Variants in ULK4 observed in about 807,000 individuals in gnomAD.
ULK4 encodes unc-51 like kinase 4, also known as inactive serine/threonine-protein kinase ULK4.
ULK4 carries 133 observed loss-of-function variants against 160.6 expected under a neutral mutation model. The ratio of observed to expected loss-of-function variants is 0.83; its 90% CI spans 0.72 to 0.96. The LOEUF (loss-of-function observed/expected upper bound fraction) is 0.96, where lower values mean the gene tolerates loss of function less well. Among genes scored for constraint, ULK4 ranks in the 40% least tolerant of loss-of-function variants. The pLI, the probability that ULK4 is intolerant of heterozygous loss-of-function variation, is 0.00. For missense variants in ULK4, 1,580 were observed against 1,499.5 expected, an observed-to-expected ratio of 1.05 and a Z score of -0.89; for synonymous variants, 534 against 539.8, an observed-to-expected ratio of 0.99 and a Z score of 0.15.
intron 17 of ULK4, among the ~76,000 whole-genome samples, chr3:41,855,169 A>G (rs2042306273): frequency 6.6e-6 from 1 of 152,120 alleles, no homozygotes; most frequent in Admixed American, 6.5e-5. Flanking sequence ...AACAGTAACA[A>G]TGCTCTGCGT....
At chr3:41,820,765 C>T (rs140061499) in intron 18 of ULK4, among the ~76,000 whole-genome samples, 143 of 152,138 alleles carry the variant, frequency 9.4e-4, no homozygotes, top group African/African-American at 3.1e-3. Context: ...CACATGTACA[C>T]CCTGAATCTA....
intron 17 of ULK4, chr3:41,853,970 T>C (rs1471303889): frequency 1.3e-5 from 2 of 152,214 alleles, no homozygotes; most frequent in African/African-American, 2.4e-5. Flanking sequence ...TAAACATGTA[T>C]ACTTAGCCAA....
At chr3:41,716,284 C>A (rs1444971192) in intron 23 of ULK4, among the ~76,000 whole-genome samples, 2 of 150,336 alleles carry the variant, frequency 1.3e-5, no homozygotes, top group African/African-American at 2.4e-5. Flanking sequence ...ACACGACTTA[C>A]AACTATCAAA....
intron 19 of ULK4, among the ~76,000 whole-genome samples, chr3:41,816,238 T>TCA (rs992740963): frequency 1.8e-4 from 28 of 151,986 alleles, no homozygotes; most frequent in African/African-American, 6.3e-4. Context: ...ACACACATAC[T>TCA]CACACACACA....
At chr3:41,664,101 A>C (rs2035276064) in intron 29 of ULK4, among the ~76,000 whole-genome samples, 2 of 152,204 alleles carry the variant, frequency 1.3e-5, no homozygotes, top group South Asian at 4.1e-4. Flanking sequence ...TTCACTTTCC[A>C]ACGCTGATAA....
rs576733447 is a variant in ULK4, at chr3:41,776,686, G to C, written c.2193+12975C>G. ...CTGCATCTATTGAGATAATCATGTGGTTTTTGTCTTTGGCTCTGTTTATAT... is the reference window on the plus strand; with the variant it reads ...CTGCATCTATTGAGATAATCATGTGCTTTTTGTCTTTGGCTCTGTTTATAT... On this transcript the variant is annotated intron_variant, in intron 21 of 36. Coordinates refer to ENST00000301831, the MANE Select transcript of ULK4 (RefSeq NM_017886.4). 4.5e-5 allele frequency among the ~76,000 whole-genome samples: 5 copies of C among 111,348 alleles called. 1 individual carries two copies. Among genetic ancestry groups the C allele is most frequent in the Non-Finnish European group, 9.9e-5 (5 of 50,446 alleles). The allele number at this position is 111,348 out of a possible 152,430, so 73.0% of individuals were successfully genotyped here.
chr3:41,620,211 T>C (rs945439746), intron 30 of ULK4, among the ~76,000 whole-genome samples: 5 of 152,312 alleles, frequency 3.3e-5, no homozygotes, highest in Admixed American at 3.3e-4. Context: ...CCATTCCTTC[T>C]GGAACCATTT....
At chr3:41,664,394 A>G (rs148273887) in intron 29 of ULK4, among the ~76,000 whole-genome samples, 3 of 152,080 alleles carry the variant, frequency 2.0e-5, no homozygotes, top group Non-Finnish European at 2.9e-5. Flanking sequence ...CGGTTTCCTT[A>G]TGTCCTCTGT....
chr3:41,475,833 A>G (rs1242583858), intron 32 of ULK4, among the ~76,000 whole-genome samples: 1 of 151,866 alleles, frequency 6.6e-6, no homozygotes, highest in Non-Finnish European at 1.5e-5. Flanking sequence ...TTGCTTCCCT[A>G]CTGTTTCAGA....
At chr3:41,712,243 T>C (rs2037124369) in intron 25 of ULK4, among the ~76,000 whole-genome samples, 1 of 152,148 alleles carries the variant, frequency 6.6e-6, no homozygotes, top group African/African-American at 2.4e-5. Context: ...CCTAGTGCCA[T>C]TATAAAAATG....
chr3:41,379,059 A>T (rs534816172), intron 35 of ULK4, among the ~76,000 whole-genome samples: 1 of 151,956 alleles, frequency 6.6e-6, no homozygotes, highest in African/African-American at 2.4e-5. Context: ...CTGTCGGGAG[A>T]TGGGAAGCAA....
At chr3:41,518,398 T>C (rs929825685) in intron 32 of ULK4, among the ~76,000 whole-genome samples, 1 of 152,156 alleles carries the variant, frequency 6.6e-6, no homozygotes, top group Non-Finnish European at 1.5e-5. Flanking sequence ...AAGATGCACA[T>C]AAAGACATTT....
At chr3:41,694,923 T>C (rs1279859190) in intron 27 of ULK4, among the ~76,000 whole-genome samples, 2 of 152,234 alleles carry the variant, frequency 1.3e-5, no homozygotes, top group East Asian at 3.8e-4. Flanking sequence ...CATACGCATA[T>C]GTGTTAGTCT....
intron 32 of ULK4, among the ~76,000 whole-genome samples, chr3:41,494,718 C>T (rs76859878): frequency 0.25 from 38,687 of 151,866 alleles, 5,157 homozygotes; most frequent in African/African-American, 0.3. Context: ...AGCTGATAAG[C>T]AACTTCAGCA....
At chr3:41,677,285 A>G (rs913701394) in intron 29 of ULK4, among the ~76,000 whole-genome samples, 14 of 151,790 alleles carry the variant, frequency 9.2e-5, no homozygotes, top group African/African-American at 3.1e-4. Flanking sequence ...AAATGGTATT[A>G]TAATCCACAT....
intron 30 of ULK4, among the ~76,000 whole-genome samples, chr3:41,616,371 C>G (rs987578691): frequency 1.3e-5 from 2 of 152,150 alleles, no homozygotes; most frequent in African/African-American, 4.8e-5. Context: ...CGAATAGAAA[C>G]AGCTCTGGTC....
intron 35 of ULK4, among the ~76,000 whole-genome samples, chr3:41,386,597 C>T (rs1392352407): frequency 6.6e-6 from 1 of 152,126 alleles, no homozygotes; most frequent in East Asian, 1.9e-4. Flanking sequence ...CTTTGCGTTC[C>T]ATTTGTGGTC....
In ULK4 at chr3:41,705,304, C is replaced by T; in HGVS notation, c.2636G>A (p.Ser879Asn). 2 of 1,605,174 alleles carry T rather than the reference C, an allele frequency of 1.2e-6. No individual in the cohort carries two copies. The highest frequency in any genetic ancestry group is 1.7e-6 in the Non-Finnish European group (2 of 1,176,460). The change falls in exon 26 of 37, where the codon AGT becomes AAT. Residue 879 changes from serine to asparagine, a missense_variant and splice_region_variant. Physicochemically the swap from Ser to Asn is conservative, Grantham distance 46. Coordinates refer to ENST00000301831, the MANE Select transcript of ULK4 (RefSeq NM_017886.4). ...EFLFSYGTIL[S>N]HIKSVDSGET... is the part of the protein sequence containing the mutation. ...TCCTGAGTCTACAGATTTAATATGA[C>T]TCTGAAAAAAAATAAATTTTTAATA...
intron 34 of ULK4, among the ~76,000 whole-genome samples, chr3:41,446,400 C>T (rs1434061647): frequency 8.5e-5 from 13 of 152,074 alleles, no homozygotes; most frequent in Admixed American, 2.0e-4. Context: ...GATTATAAAT[C>T]ATGCTGCCAT....
Sources: gnomAD v4.1 joint callset for allele counts (sites outside exome capture counted in the v4.1 genomes callset) on GRCh38, gnomAD v4.1.1 for gene constraint, MANE v1.5 for transcripts, NCBI Gene and HGNC (gene_info 2026-07-23, HGNC 2026-07-21) for gene names.